SRGAP1: variants seen among roughly 807,000 people sequenced by gnomAD.
SRGAP1 encodes the protein SLIT-ROBO Rho GTPase-activating protein 1.
SRGAP1 carries 43 observed loss-of-function variants against 121.9 expected under a neutral mutation model. That is an observed-to-expected ratio of 0.35 (90% CI 0.28 to 0.46). The LOEUF is 0.46. Among genes scored for constraint, SRGAP1 ranks in the 20% least tolerant of loss-of-function variants. The probability of loss-of-function intolerance (pLI) is 1.00; values close to 1 mark genes in which losing one functional copy is unlikely to be tolerated. For missense variants in SRGAP1, 1,102 were observed against 1,350.9 expected (o/e 0.82, Z 2.89); for synonymous variants, 447 against 485.4 (o/e 0.92, Z 1.04).
At chr12:63,926,683 ATTT>A (rs2031274830) in intron 1 of SRGAP1, among the ~76,000 whole-genome samples, 1 of 152,162 alleles carries the variant, frequency 6.6e-6, no homozygotes, top group Admixed American at 6.6e-5. Context: ...ATTACCTATC[ATTT>A]TTTATGGTGA....
chr12:64,044,424 C>A (rs2035085406), intron 6 of SRGAP1, among the ~76,000 whole-genome samples: 1 of 152,110 alleles, frequency 6.6e-6, no homozygotes, highest in African/African-American at 2.4e-5. Flanking sequence ...AGAGGGTTAT[C>A]TGCTGGAATT....
intron 1 of SRGAP1, among the ~76,000 whole-genome samples, chr12:63,869,537 T>A (rs1456756536): frequency 6.6e-6 from 1 of 152,166 alleles, no homozygotes; most frequent in Non-Finnish European, 1.5e-5. Flanking sequence ...CCCCAAATAC[T>A]CCCTAAATGT....
intron 4 of SRGAP1, among the ~76,000 whole-genome samples, chr12:64,019,825 C>T (rs1458213350): frequency 2.0e-5 from 3 of 152,110 alleles, no homozygotes; most frequent in African/African-American, 4.8e-5. Flanking sequence ...CAAGTTGCAT[C>T]GTGCATAGAA....
intron 6 of SRGAP1, among the ~76,000 whole-genome samples, chr12:64,056,114 G>A (rs960349261): frequency 6.6e-6 from 1 of 151,912 alleles, no homozygotes; most frequent in Non-Finnish European, 1.5e-5. Context: ...GCCACTTTCC[G>A]CTAAAAACCA....
rs560932297 is a variant in SRGAP1 at position 64,157,016 on chromosome 12, T to TA, written c.*14354dup. 117 of 145,792 alleles carry TA rather than the reference T, an allele frequency of 8.0e-4. No individual in the cohort carries two copies. In the South Asian group the frequency reaches 0.014, roughly 17 times the overall value. The allele number at this position is 145,792 out of a possible 1,614,324, so 9.0% of individuals were successfully genotyped here. ...TGGTTTGATATGGTAGCTGCACTTC[T>TA]AAAAAAAAAAGGGGGCATTCTTGGC... On this transcript the variant is annotated 3_prime_UTR_variant, in exon 22 of 22. Coordinates refer to ENST00000355086, the MANE Select transcript of SRGAP1 (RefSeq NM_020762.4).
chr12:64,003,736 C>T (rs1593028271), intron 3 of SRGAP1, among the ~76,000 whole-genome samples: 1 of 152,138 alleles, frequency 6.6e-6, no homozygotes, highest in East Asian at 1.9e-4. Context: ...TTTGTGTCAT[C>T]AGAGGTCCTG....
At chr12:64,113,591 A>G (rs1166908714) in intron 17 of SRGAP1, among the ~76,000 whole-genome samples, 1 of 152,200 alleles carries the variant, frequency 6.6e-6, no homozygotes, top group Admixed American at 6.5e-5. Context: ...CACATTGTAT[A>G]TGGGTATCAA....
intron 1 of SRGAP1, among the ~76,000 whole-genome samples, chr12:63,860,573 A>G (rs939386820): frequency 6.6e-6 from 1 of 152,174 alleles, no homozygotes; most frequent in African/African-American, 2.4e-5. Context: ...TGATTAACTG[A>G]CATAAAATTG....
intron 1 of SRGAP1, among the ~76,000 whole-genome samples, chr12:63,930,913 C>A (rs2031454577): frequency 6.6e-6 from 1 of 151,980 alleles, no homozygotes; most frequent in Non-Finnish European, 1.5e-5. Context: ...TTTTATGTAA[C>A]TAATTTTGTT....
chr12:63,987,045 T>TA (rs2033437619), intron 2 of SRGAP1, among the ~76,000 whole-genome samples: 1 of 152,224 alleles, frequency 6.6e-6, no homozygotes, highest in African/African-American at 2.4e-5. Context: ...TTAAGTTACT[T>TA]AACCTCTCTG....
chr12:63,988,954 G>A (rs1276873026), intron 2 of SRGAP1, among the ~76,000 whole-genome samples: 1 of 152,080 alleles, frequency 6.6e-6, no homozygotes, highest in African/African-American at 2.4e-5. Flanking sequence ...GGGATTACAC[G>A]TGCCCATCAC....
intron 4 of SRGAP1, among the ~76,000 whole-genome samples, chr12:64,027,667 G>T (rs1489913793): frequency 6.6e-6 from 1 of 152,160 alleles, no homozygotes; most frequent in Non-Finnish European, 1.5e-5. Flanking sequence ...AAGAACATAG[G>T]CAGCAAAAGA....
intron 1 of SRGAP1, among the ~76,000 whole-genome samples, chr12:63,913,715 AC>A (rs2030656213): frequency 6.6e-6 from 1 of 151,794 alleles, no homozygotes; most frequent in Non-Finnish European, 1.5e-5. Context: ...TTGTACATGG[AC>A]CACAATGTGT....
At chr12:63,979,094 C>T (rs1593000138) in intron 1 of SRGAP1, among the ~76,000 whole-genome samples, 1 of 124,332 alleles carries the variant, frequency 8.0e-6, no homozygotes, top group Non-Finnish European at 1.6e-5. Context: ...GGCTGGAGTG[C>T]AGTGGCACGA....
intron 21 of SRGAP1, among the ~76,000 whole-genome samples, chr12:64,141,849 G>A (rs1189086972): frequency 6.6e-6 from 1 of 151,932 alleles, no homozygotes; most frequent in Non-Finnish European, 1.5e-5. Context: ...TACTCAGGAG[G>A]CTACTCAGGA....
rs1199429320 is a variant in SRGAP1, at chr12:64,108,996, G to A, written c.1878G>A (p.Ser626=). The A allele has an allele frequency of 2.5e-6, 4 of 1,596,436 alleles. No homozygotes were observed. The highest frequency in any genetic ancestry group is 2.7e-5 in the African/African-American group (2 of 74,636). The change falls in exon 16 of 22, where the codon TCG becomes TCA. Residue 626 remains serine (S), a synonymous_variant. Transcript: ENST00000355086. ...IRKLLLTLPR[S]VLIVMRYLFA... Reference sequence around the variant, plus strand: ...AACTCCTCCTGACTTTGCCCAGGTCGGTCCTTATAGTGATGAGGTACCTCT... The same window carrying A: ...AACTCCTCCTGACTTTGCCCAGGTCAGTCCTTATAGTGATGAGGTACCTCT...
chr12:63,982,732 G>A (rs2033287583), intron 1 of SRGAP1: 1 of 152,228 alleles, frequency 6.6e-6, no homozygotes, highest in African/African-American at 2.4e-5. Flanking sequence ...AAGTTTTCCA[G>A]CATGATGTTC....
At position 63,860,237 on chromosome 12, in the gene SRGAP1, C is replaced by T. The variant is rs1276957776; in HGVS notation, c.67+15354C>T. On this transcript the variant is annotated intron_variant, in intron 1 of 21. Coordinates refer to ENST00000355086, the MANE Select transcript of SRGAP1 (RefSeq NM_020762.4). ...TGTTGCTCAGGCTTGTCTCAAACTC[C>T]TGAGCTCAAGCAATTTGCCTGCCTT... Among the ~76,000 whole-genome samples, 9 of 152,290 alleles carry T rather than the reference C, an allele frequency of 5.9e-5. 1 individual carries two copies. The South Asian group carries it at 1.7e-3, about 28-fold the overall frequency.
At chr12:63,952,796 C>T (rs780453219) in intron 1 of SRGAP1, among the ~76,000 whole-genome samples, 3 of 152,072 alleles carry the variant, frequency 2.0e-5, no homozygotes, top group Non-Finnish European at 4.4e-5. Flanking sequence ...CAGGTGCTAA[C>T]ACTTTTAATT....
Sources: gnomAD v4.1 joint callset for allele counts (sites outside exome capture counted in the v4.1 genomes callset) on GRCh38, gnomAD v4.1.1 for gene constraint, MANE v1.5 for transcripts, NCBI Gene and HGNC (gene_info 2026-07-23, HGNC 2026-07-21) for gene names.